KCNMA1: variants seen among roughly 807,000 people sequenced by gnomAD.
The protein encoded by KCNMA1 is potassium calcium-activated channel subfamily M alpha 1.
A neutral mutation model predicts 140.0 loss-of-function variants in KCNMA1; 29 were observed. The observed-to-expected ratio is 0.21, with a 90% CI of 0.15 to 0.28. The LOEUF (loss-of-function observed/expected upper bound fraction) is 0.28, where lower values mean the gene tolerates loss of function less well. Among genes scored for constraint, KCNMA1 ranks in the 10% least tolerant of loss-of-function variants. KCNMA1 has a pLI of 1.00. For missense variants in KCNMA1, 880 were observed against 1,602.2 expected, an observed-to-expected ratio of 0.55 and a Z score of 7.70; for synonymous variants, 612 against 611.9, an observed-to-expected ratio of 1.00 and a Z score of 0.00.
chr10:76,906,738 C>CT (rs1243454188), intron 25 of KCNMA1, among the ~76,000 whole-genome samples: 2 of 152,162 alleles, frequency 1.3e-5, no homozygotes, highest in East Asian at 1.9e-4. Flanking sequence ...CATGACAGCC[C>CT]TTTTTGTTCC....
intron 22 of KCNMA1, among the ~76,000 whole-genome samples, chr10:76,947,506 T>C (rs759479121): frequency 1.1e-4 from 17 of 152,126 alleles, no homozygotes; most frequent in Non-Finnish European, 2.1e-4. Context: ...ATAAACCCTT[T>C]ACAAAGACAC....
intron 2 of KCNMA1, among the ~76,000 whole-genome samples, chr10:77,344,505 A>C (rs1038511641): frequency 8.5e-5 from 13 of 152,166 alleles, no homozygotes; most frequent in African/African-American, 3.1e-4. Context: ...TGGTCCCAGA[A>C]TCAATCTTTA....
intron 9 of KCNMA1, among the ~76,000 whole-genome samples, chr10:77,106,934 GA>G (rs1381362588): frequency 7.2e-5 from 11 of 152,184 alleles, no homozygotes; most frequent in African/African-American, 2.7e-4. Flanking sequence ...CTGCCTCCCG[GA>G]AAAGACGCCA....
intron 2 of KCNMA1, among the ~76,000 whole-genome samples, chr10:77,353,979 G>A (rs1349150111): frequency 7.3e-6 from 1 of 136,292 alleles, no homozygotes; most frequent in Non-Finnish European, 1.6e-5. Flanking sequence ...TTGGGGGGGG[G>A]GGTGGTGGGG....
Position 76,885,714 on chromosome 10 carries a change from T to C in KCNMA1, c.*1552A>G, listed in dbSNP as rs759621770. The C allele has an allele frequency of 4.1e-6, 4 of 985,310 alleles. No homozygotes were observed. In the African/African-American group the frequency reaches 7.0e-5, roughly 17 times the overall value. 61.0% of individuals were successfully genotyped at this position (985,310 alleles called of 1,614,324 possible). On this transcript the variant is annotated 3_prime_UTR_variant, in exon 28 of 28. Coordinates refer to ENST00000286628, the MANE Select transcript of KCNMA1 (RefSeq NM_001161352.2). ...CATAAGGGAAATTGGTTATGGTGAA[T>C]TGGCCAGTTTTTAAGAAATACCGCA...
At chr10:77,107,222 G>A (rs2097214722) in intron 9 of KCNMA1, among the ~76,000 whole-genome samples, 1 of 152,144 alleles carries the variant, frequency 6.6e-6, no homozygotes, top group African/African-American at 2.4e-5. Flanking sequence ...AGCTCTTTAA[G>A]AGTTCATTTG....
chr10:77,205,238 A>G (rs1019947645), intron 3 of KCNMA1, among the ~76,000 whole-genome samples: 1 of 152,088 alleles, frequency 6.6e-6, no homozygotes, highest in African/African-American at 2.4e-5. Context: ...CAAATGATAT[A>G]TTTTTTTGTG....
intron 2 of KCNMA1, among the ~76,000 whole-genome samples, chr10:77,357,411 A>C (rs562231168): frequency 6.6e-6 from 1 of 152,212 alleles, no homozygotes; most frequent in African/African-American, 2.4e-5. Context: ...ACAGTCAGAG[A>C]GTATCTGCCA....
In KCNMA1 at chr10:77,506,906, AAG is replaced by A. The variant is rs751270620; in HGVS notation, c.379-102885_379-102884del. ...GAGAGAGAGAGAGCTTTGAAATATG[AAG>A]AGAGAGAGTAAAAGACAGATGTTCC... On this transcript the variant is annotated intron_variant, in intron 1 of 27. Transcript: ENST00000286628. Among the ~76,000 whole-genome samples the A allele has an allele frequency of 2.2e-3, 332 of 150,296 alleles. 4 individuals carry two copies. Among genetic ancestry groups the A allele is most frequent in the Non-Finnish European group, 3.2e-3 (218 of 67,552 alleles).
chr10:77,382,903 T>TATAC (rs1397046254), intron 2 of KCNMA1, among the ~76,000 whole-genome samples: 10 of 92,716 alleles, frequency 1.1e-4, no homozygotes, highest in African/African-American at 4.6e-4. Flanking sequence ...TATATATATA[T>TATAC]ACACACACAC....
chr10:77,231,289 T>C (rs1413894598), intron 3 of KCNMA1, among the ~76,000 whole-genome samples: 1 of 152,178 alleles, frequency 6.6e-6, no homozygotes, highest in Non-Finnish European at 1.5e-5. Flanking sequence ...AAATTGAGTA[T>C]CAGCATGAGA....
chr10:76,941,107 G>C (rs1287127848), intron 23 of KCNMA1, among the ~76,000 whole-genome samples: 3 of 58,034 alleles, frequency 5.2e-5, no homozygotes, highest in Admixed American at 3.9e-4. Flanking sequence ...AAGAAGGGAG[G>C]GAGGGAGGGA....
intron 2 of KCNMA1, among the ~76,000 whole-genome samples, chr10:77,264,565 G>A (rs1440003169): frequency 1.3e-5 from 2 of 152,208 alleles, no homozygotes; most frequent in African/African-American, 4.8e-5. Context: ...GAATTGGCAA[G>A]ACAAGGGCCA....
chr10:77,114,492 G>A (rs1239437693), intron 6 of KCNMA1, among the ~76,000 whole-genome samples: 3 of 152,212 alleles, frequency 2.0e-5, no homozygotes, highest in Non-Finnish European at 4.4e-5. Context: ...ACCTTGTGAA[G>A]TCCCAGTCTC....
intron 2 of KCNMA1, among the ~76,000 whole-genome samples, chr10:77,329,166 G>A (rs1383639054): frequency 6.6e-6 from 1 of 152,022 alleles, no homozygotes; most frequent in Non-Finnish European, 1.5e-5. Flanking sequence ...TTTAGTCATT[G>A]GGCTTCCCCA....
intron 1 of KCNMA1, among the ~76,000 whole-genome samples, chr10:77,408,118 CA>C (rs571826628): frequency 1.3e-3 from 191 of 152,316 alleles, no homozygotes; most frequent in African/African-American, 4.0e-3. Context: ...TGACTCGCCC[CA>C]TTAGATCAAC....
At chr10:77,525,705 T>C (rs1008837868) in intron 1 of KCNMA1, among the ~76,000 whole-genome samples, 7 of 152,236 alleles carry the variant, frequency 4.6e-5, no homozygotes, top group African/African-American at 1.7e-4. Flanking sequence ...AGTTCTAGCA[T>C]TCTGTGATGC....
At chr10:76,875,455 T>C (rs1395042306), downstream of KCNMA1, 1 of 152,174 alleles carries the variant, frequency 6.6e-6, no homozygotes, top group Non-Finnish European at 1.5e-5. Flanking sequence ...TAGCCACAAA[T>C]GCATCGGTGG....
intron 2 of KCNMA1, among the ~76,000 whole-genome samples, chr10:77,365,231 C>A (rs928150754): frequency 1.3e-5 from 2 of 152,188 alleles, no homozygotes; most frequent in African/African-American, 4.8e-5. Flanking sequence ...TAGCACCCCA[C>A]CCTAGGAAAC....
Sources: gnomAD v4.1 joint callset for allele counts (sites outside exome capture counted in the v4.1 genomes callset) on GRCh38, gnomAD v4.1.1 for gene constraint, MANE v1.5 for transcripts, NCBI Gene and HGNC (gene_info 2026-07-23, HGNC 2026-07-21) for gene names.